WDFY2: variants seen among roughly 807,000 people sequenced by gnomAD.
WDFY2 encodes WD repeat and FYVE domain containing 2.
A neutral mutation model predicts 56.4 loss-of-function variants in WDFY2; 36 were observed. The ratio of observed to expected loss-of-function variants is 0.64; its 90% CI spans 0.49 to 0.84. The LOEUF is 0.84. Among genes scored for constraint, WDFY2 ranks in the 40% least tolerant of loss-of-function variants. The probability of loss-of-function intolerance (pLI) is 0.00; values close to 1 mark genes in which losing one functional copy is unlikely to be tolerated. For missense variants in WDFY2, 444 were observed against 512.2 expected (o/e 0.87, Z 1.29); for synonymous variants, 176 against 183.7 (o/e 0.96, Z 0.34).
intron 1 of WDFY2, among the ~76,000 whole-genome samples, chr13:51,638,630 A>G (rs986326431): frequency 2.0e-5 from 3 of 152,238 alleles, no homozygotes; most frequent in Non-Finnish European, 4.4e-5. Flanking sequence ...CCCATTCATG[A>G]AAAGCTATGC....
intron 3 of WDFY2, among the ~76,000 whole-genome samples, chr13:51,689,967 G>T (rs1324674752): frequency 6.6e-6 from 1 of 152,062 alleles, no homozygotes; most frequent in Non-Finnish European, 1.5e-5. Context: ...TGTGCAAATT[G>T]TATGCAGAAG....
chr13:51,667,682 T>C (rs1249317869), intron 2 of WDFY2, among the ~76,000 whole-genome samples: 1 of 152,158 alleles, frequency 6.6e-6, no homozygotes, highest in Non-Finnish European at 1.5e-5. Context: ...TTTTAATTTA[T>C]ACCTTACTTC....
At chr13:51,596,730 A>G (rs1486195449) in intron 1 of WDFY2, among the ~76,000 whole-genome samples, 2 of 152,188 alleles carry the variant, frequency 1.3e-5, no homozygotes, top group African/African-American at 4.8e-5. Flanking sequence ...AGATTGCTAC[A>G]TTCCAGGGAA....
chr13:51,666,491 C>G (rs988271499), intron 2 of WDFY2, among the ~76,000 whole-genome samples: 25 of 152,118 alleles, frequency 1.6e-4, no homozygotes, highest in African/African-American at 2.4e-5. Context: ...AGAACTGATC[C>G]CCTTAGCTGA....
chr13:51,695,641 C>A (rs985325203), intron 3 of WDFY2, among the ~76,000 whole-genome samples: 2 of 152,216 alleles, frequency 1.3e-5, no homozygotes, highest in Admixed American at 1.3e-4. Context: ...GGGTCAGGGA[C>A]CCACCTGAGG....
chr13:51,677,855 G>GT (rs1214182153), intron 3 of WDFY2, among the ~76,000 whole-genome samples: 2 of 152,162 alleles, frequency 1.3e-5, no homozygotes, highest in Non-Finnish European at 2.9e-5. Flanking sequence ...AATGGGGACA[G>GT]TTGAGAGAGC....
At chr13:51,654,183 G>A (rs933318605) in intron 1 of WDFY2, among the ~76,000 whole-genome samples, 1 of 152,194 alleles carries the variant, frequency 6.6e-6, no homozygotes, top group Admixed American at 6.5e-5. Flanking sequence ...AAGGCTCCGT[G>A]GGCGTAGGAC....
intron 8 of WDFY2, 33 bp from the exon 9 acceptor site, chr13:51,755,325 C>T: frequency 6.2e-6 from 10 of 1,605,480 alleles, no homozygotes; most frequent in Non-Finnish European, 8.5e-6. Context: ...GACTGCTGGC[C>T]ACAGTGACCT....
rs9596546 is a variant in WDFY2, at chr13:51,612,474, G to A, written c.137+27650G>A. On this transcript the variant is annotated intron_variant, in intron 1 of 11. Coordinates refer to ENST00000298125, the MANE Select transcript of WDFY2 (RefSeq NM_052950.4). The stretch of plus-strand genomic sequence containing the variant: ...AAATTGTGTTTCAAATTAACACTTA[G>A]AAGTCTTTTTACAATTAAATTTTTT... Among the ~76,000 whole-genome samples the A allele has an allele frequency of 7.5e-3, 1,148 of 152,284 alleles. 10 individuals carry two copies. Among genetic ancestry groups the A allele is most frequent in the African/African-American group, 0.027 (1,106 of 41,568 alleles).
chr13:51,629,584 T>G (rs1382614473), intron 1 of WDFY2, among the ~76,000 whole-genome samples: 1 of 152,170 alleles, frequency 6.6e-6, no homozygotes, highest in African/African-American at 2.4e-5. Context: ...GTACAAGCAT[T>G]GCACTCTACA....
In WDFY2 at chr13:51,640,605, T is replaced by C. The variant is rs182712003; in HGVS notation, c.138-19991T>C. 4.8e-3 allele frequency among the ~76,000 whole-genome samples: 733 copies of C among 152,202 alleles called. 6 individuals carry two copies. Among genetic ancestry groups the C allele is most frequent in the Admixed American group, 9.6e-3 (147 of 15,284 alleles). On this transcript the variant is annotated intron_variant, in intron 1 of 11. Coordinates refer to ENST00000298125, the MANE Select transcript of WDFY2 (RefSeq NM_052950.4). ...GGCTCATGCCTATAATCTCAGCACT[T>C]TAGGAGGCTGAGGCGGGTAGATTAC...
At chr13:51,758,113 G>A (rs1333149221) in intron 10 of WDFY2, 79 bp from the exon 11 acceptor site, 3 of 1,157,254 alleles carry the variant, frequency 2.6e-6, no homozygotes, top group Middle Eastern at 2.1e-4. Flanking sequence ...CCAAAATTTA[G>A]AGCCTAATGT....
chr13:51,711,884 A>G (rs1952226365), intron 4 of WDFY2, among the ~76,000 whole-genome samples: 1 of 152,226 alleles, frequency 6.6e-6, no homozygotes, highest in South Asian at 2.1e-4. Flanking sequence ...CAGTGTGGCG[A>G]TTCCTCAAGG....
At chr13:51,586,242 A>G (rs1021158337) in intron 1 of WDFY2, 2 of 392,742 alleles carry the variant, frequency 5.1e-6, no homozygotes, top group Non-Finnish European at 9.0e-6. Context: ...TTTTTATGGG[A>G]TATATTCCAT....
At chr13:51,643,518 G>A (rs901911164) in intron 1 of WDFY2, among the ~76,000 whole-genome samples, 1 of 152,158 alleles carries the variant, frequency 6.6e-6, no homozygotes, top group African/African-American at 2.4e-5. Flanking sequence ...TTCCTCTAAT[G>A]ATATCATCCC....
At chr13:51,652,542 T>C (rs1472968591) in intron 1 of WDFY2, among the ~76,000 whole-genome samples, 2 of 152,174 alleles carry the variant, frequency 1.3e-5, no homozygotes, top group African/African-American at 4.8e-5. Context: ...GTGGCTGGTA[T>C]TGGTTGTTCC....
At chr13:51,712,283 G>A (rs1002560945) in intron 4 of WDFY2, among the ~76,000 whole-genome samples, 6 of 152,082 alleles carry the variant, frequency 3.9e-5, no homozygotes, top group African/African-American at 1.4e-4. Context: ...AACATCACAC[G>A]CTGGGGCCTA....
chr13:51,584,629 C>T lies in WDFY2; in HGVS notation c.-59C>T. The stretch of plus-strand genomic sequence containing the variant: ...ACCTGTGTCCGTGCTCCAGCAGTCT[C>T]CTCAGCCCGGCCCCGCGGCGCGGTT... On this transcript the variant is annotated 5_prime_UTR_variant, in exon 1 of 12. Transcript: ENST00000298125. 1 of 1,562,446 alleles carries T rather than the reference C, an allele frequency of 6.4e-7. No individual in the cohort carries two copies. The highest frequency in any genetic ancestry group is 8.6e-7 in the Non-Finnish European group (1 of 1,158,810).
At chr13:51,715,579 A>G (rs1230745642) in intron 4 of WDFY2, among the ~76,000 whole-genome samples, 2 of 152,186 alleles carry the variant, frequency 1.3e-5, no homozygotes, top group African/African-American at 4.8e-5. Flanking sequence ...CAGGACCTGC[A>G]TGAGGCTGTT....
Sources: gnomAD v4.1 joint callset for allele counts (sites outside exome capture counted in the v4.1 genomes callset) on GRCh38, gnomAD v4.1.1 for gene constraint, MANE v1.5 for transcripts, NCBI Gene and HGNC (gene_info 2026-07-23, HGNC 2026-07-21) for gene names.